Variants in SLCO2B1 observed in about 807,000 individuals in gnomAD.
SLCO2B1 encodes solute carrier organic anion transporter family member 2B1, also known as OATP-RP2.
SLCO2B1 carries 41 observed loss-of-function variants against 67.3 expected under a neutral mutation model. That is an observed-to-expected ratio of 0.61 (90% CI 0.47 to 0.79). The LOEUF is 0.79. Among genes scored for constraint, SLCO2B1 ranks in the 30% least tolerant of loss-of-function variants. SLCO2B1 has a pLI of 0.00. For missense variants in SLCO2B1, 837 were observed against 920.1 expected (o/e 0.91, Z 1.17); for synonymous variants, 379 against 381.4 (o/e 0.99, Z 0.07).
At chr11:75,200,869 C>G (rs2140346348) in intron 11 of SLCO2B1, 1 of 153,060 alleles carries the variant, frequency 6.5e-6, no homozygotes, top group South Asian at 2.1e-4. Flanking sequence ...TGGACCCAAC[C>G]CATGCTGAGC....
chr11:75,188,075 C>G, intron 7 of SLCO2B1, 61 bp from the exon 8 acceptor site: 1 of 1,216,160 alleles, frequency 8.2e-7, no homozygotes, highest in Non-Finnish European at 1.2e-6. Flanking sequence ...CAGCCCACAG[C>G]CAACTCTGAG....
chr11:75,153,550 T>C (rs1317064471), intron 1 of SLCO2B1, among the ~76,000 whole-genome samples: 2 of 152,164 alleles, frequency 1.3e-5, no homozygotes, highest in Non-Finnish European at 2.9e-5. Flanking sequence ...CCAGAGCTCT[T>C]CCTCTCCGTG....
At chr11:75,175,335 A>G (rs1457131162) in intron 7 of SLCO2B1, among the ~76,000 whole-genome samples, 3 of 152,060 alleles carry the variant, frequency 2.0e-5, no homozygotes, top group Non-Finnish European at 4.4e-5. Flanking sequence ...AGTTGAATAA[A>G]CCAGGAGCAA....
At chr11:75,177,104 C>T (rs188639061) in intron 7 of SLCO2B1, among the ~76,000 whole-genome samples, 227 of 152,130 alleles carry the variant, frequency 1.5e-3, no homozygotes, top group African/African-American at 4.9e-3. Flanking sequence ...ACCCCCAGAA[C>T]CCCAAGGGTA....
intron 13 of SLCO2B1, 116 bp downstream of exon 13, chr11:75,203,543 G>A: frequency 1.5e-6 from 2 of 1,323,638 alleles, no homozygotes; most frequent in Non-Finnish European, 2.1e-6. Context: ...GGTGACAGGT[G>A]TCATTATATA....
intron 7 of SLCO2B1, among the ~76,000 whole-genome samples, chr11:75,185,146 T>C (rs1236100321): frequency 1.3e-5 from 2 of 152,146 alleles, no homozygotes; most frequent in Non-Finnish European, 2.9e-5. Flanking sequence ...TGGGGAGGCA[T>C]GGAACAAGGG....
intron 7 of SLCO2B1, among the ~76,000 whole-genome samples, chr11:75,186,938 C>A (rs752976788): frequency 2.0e-5 from 3 of 152,190 alleles, no homozygotes; most frequent in Non-Finnish European, 4.4e-5. Flanking sequence ...GCTCTGGAGC[C>A]AAGCCGTCTG....
At chr11:75,188,264 G>A in intron 8 of SLCO2B1, 26 bp downstream of exon 8, 1 of 1,502,534 alleles carries the variant, frequency 6.7e-7, no homozygotes, top group South Asian at 1.1e-5. Flanking sequence ...CCAGGTTATG[G>A]GGAGCCAGGG....
At chr11:75,183,191 T>G (rs1000893954) in intron 7 of SLCO2B1, among the ~76,000 whole-genome samples, 1 of 152,364 alleles carries the variant, frequency 6.6e-6, no homozygotes, top group South Asian at 2.1e-4. Context: ...ATATCTAAAA[T>G]ATTCTTATTT....
At chr11:75,196,432 C>G (rs531745642) in intron 9 of SLCO2B1, 82 bp from the exon 10 acceptor site, 1 of 1,423,554 alleles carries the variant, frequency 7.0e-7, no homozygotes, top group Non-Finnish European at 9.6e-7. Flanking sequence ...CCATTGCTCT[C>G]GGCTACAGGG....
intron 7 of SLCO2B1, among the ~76,000 whole-genome samples, chr11:75,182,895 A>C (rs1950106745): frequency 6.6e-6 from 1 of 152,038 alleles, no homozygotes; most frequent in South Asian, 2.1e-4. Flanking sequence ...AAATGTTGGG[A>C]AGTGATCAGT....
intron 7 of SLCO2B1, among the ~76,000 whole-genome samples, chr11:75,177,401 C>T (rs575422223): frequency 6.6e-6 from 1 of 152,294 alleles, no homozygotes; most frequent in East Asian, 1.9e-4. Flanking sequence ...ATGCAAGCTT[C>T]CTTGGTGTCT....
At chr11:75,162,100 T>C (rs551445538) in intron 1 of SLCO2B1, among the ~76,000 whole-genome samples, 1 of 152,196 alleles carries the variant, frequency 6.6e-6, no homozygotes, top group Non-Finnish European at 1.5e-5. Context: ...TGTGATGACA[T>C]GCACAGGGGT....
intron 7 of SLCO2B1, among the ~76,000 whole-genome samples, chr11:75,174,503 C>T (rs1201759218): frequency 6.6e-6 from 1 of 152,118 alleles, no homozygotes; most frequent in Non-Finnish European, 1.5e-5. Context: ...CACATAGCTG[C>T]CCTGCTATGG....
At chr11:75,164,519 C>T (rs1007290233) in intron 3 of SLCO2B1, among the ~76,000 whole-genome samples, 2 of 152,028 alleles carry the variant, frequency 1.3e-5, no homozygotes, top group Non-Finnish European at 2.9e-5. Context: ...GATACCGCGG[C>T]GCAGGGTGTC....
intron 1 of SLCO2B1, among the ~76,000 whole-genome samples, chr11:75,155,369 C>G (rs999231087): frequency 6.6e-6 from 1 of 152,114 alleles, no homozygotes; most frequent in Admixed American, 6.5e-5. Context: ...CTGCCCCCAT[C>G]CCAACTCATG....
intron 11 of SLCO2B1, chr11:75,200,593 A>ACC: frequency 2.0e-6 from 1 of 507,618 alleles, no homozygotes; most frequent in South Asian, 3.4e-5. Context: ...ATTGAGGCTC[A>ACC]GAGAAGTTCA....
chr11:75,187,914 A>G (rs931720765), intron 7 of SLCO2B1, among the ~76,000 whole-genome samples: 7 of 152,200 alleles, frequency 4.6e-5, no homozygotes, highest in Non-Finnish European at 1.0e-4. Flanking sequence ...ACTGGTGATG[A>G]CAAAGTTTAA....
At chr11:75,160,764 T>C (rs918242904) in intron 1 of SLCO2B1, among the ~76,000 whole-genome samples, 5 of 152,196 alleles carry the variant, frequency 3.3e-5, no homozygotes, top group Admixed American at 6.5e-5. Flanking sequence ...GCCAAATTCC[T>C]CAACCTGTTT....
Sources: gnomAD v4.1 joint callset for allele counts (sites outside exome capture counted in the v4.1 genomes callset) on GRCh38, gnomAD v4.1.1 for gene constraint, MANE v1.5 for transcripts, NCBI Gene and HGNC (gene_info 2026-07-23, HGNC 2026-07-21) for gene names.